Variants in ZHX3 observed in about 807,000 individuals in gnomAD.
ZHX3 encodes the protein zinc fingers and homeoboxes 3.
Under a neutral mutation model 64.5 loss-of-function variants are expected in ZHX3, and 20 were observed. That is an observed-to-expected ratio of 0.31 (90% CI 0.22 to 0.45). The LOEUF is 0.45. Ranked by LOEUF, ZHX3 falls within the 20% of genes least tolerant of loss-of-function variation. The pLI, the probability that ZHX3 is intolerant of heterozygous loss-of-function variation, is 1.00. For synonymous variants in ZHX3, 423 were observed against 461.6 expected, an observed-to-expected ratio of 0.92 and a Z score of 1.07; for missense variants, 1,041 against 1,195.8, an observed-to-expected ratio of 0.87 and a Z score of 1.91.
At position 41,292,925 on chromosome 20, in the gene ZHX3, A is replaced by G. The variant is rs2044321721; in HGVS notation, c.-244-23842T>C. On this transcript the variant is annotated intron_variant, in intron 1 of 3. Coordinates refer to ENST00000683867, the MANE Select transcript of ZHX3 (RefSeq NM_001384317.1). ...GTTGGGTAACAGCTTGTCTGGCTAG[A>G]ATAAAAGGTCCAATTGAACATACAC... 2.0e-5 allele frequency among the ~76,000 whole-genome samples: 3 copies of G among 152,350 alleles called. No individual in the cohort carries two copies. The South Asian group carries it at 6.2e-4, about 32-fold the overall frequency.
chr20:41,204,061 C>T lies in ZHX3; in HGVS notation c.856G>A (p.Val286Ile). The T allele has an allele frequency of 6.2e-7, 1 of 1,612,744 alleles. No individual in the cohort carries two copies. The highest frequency in any genetic ancestry group is 8.5e-7 in the Non-Finnish European group (1 of 1,179,228). ...QQPPVHAQHH[V>I]HQPLPTAKAL... ...TTGGCCGTGGGCAGTGGCTGGTGGA[C>T]ATGGTGTTGGGCATGCACTGGGGGC... The change falls in exon 3 of 4, where the codon GTC (valine) becomes ATC (isoleucine). Residue 286 changes from valine (V) to isoleucine (I), a missense_variant. By Grantham distance (29) the Val-to-Ile change is conservative. Coordinates refer to ENST00000683867, the MANE Select transcript of ZHX3 (RefSeq NM_001384317.1). The surrounding 1 kb of genome is among the most constrained non-coding windows in gnomAD (Gnocchi z 6.6).
At chr20:41,223,234 G>A (rs1279802776) in intron 2 of ZHX3, among the ~76,000 whole-genome samples, 1 of 152,172 alleles carries the variant, frequency 6.6e-6, no homozygotes, top group African/African-American at 2.4e-5. Context: ...AAATTGGTAA[G>A]ACTTCTATTA....
chr20:41,270,374 CAAAAAAAA>C (rs71193635), intron 1 of ZHX3, among the ~76,000 whole-genome samples: 1 of 83,582 alleles, frequency 1.2e-5, no homozygotes, highest in Non-Finnish European at 2.4e-5. Flanking sequence ...AAACTCCGTC[CAAAAAAAA>C]AAAAAAAAAA....
intron 2 of ZHX3, among the ~76,000 whole-genome samples, chr20:41,258,641 C>T (rs1178080353): frequency 6.6e-6 from 1 of 152,186 alleles, no homozygotes; most frequent in Non-Finnish European, 1.5e-5. Flanking sequence ...AAAAATACCA[C>T]AGAAATGATG....
intron 1 of ZHX3, among the ~76,000 whole-genome samples, chr20:41,311,826 A>C (rs2045145809): frequency 6.6e-6 from 1 of 152,268 alleles, no homozygotes; most frequent in Non-Finnish European, 1.5e-5. Flanking sequence ...GTGAACACAC[A>C]TAGCAATGGA....
At chr20:41,290,257 A>G (rs902504962) in intron 1 of ZHX3, 2 of 152,220 alleles carry the variant, frequency 1.3e-5, no homozygotes, top group African/African-American at 4.8e-5. Context: ...TGCCAGTACA[A>G]CAGAATAGAT....
At chr20:41,315,178 G>A (rs908446141) in intron 1 of ZHX3, among the ~76,000 whole-genome samples, 3 of 151,996 alleles carry the variant, frequency 2.0e-5, no homozygotes, top group African/African-American at 7.2e-5. Context: ...AGGCACTGAG[G>A]CTGGAGTATG....
chr20:41,257,083 C>T (rs2042297476), intron 2 of ZHX3, among the ~76,000 whole-genome samples: 4 of 152,058 alleles, frequency 2.6e-5, no homozygotes, highest in Non-Finnish European at 5.9e-5. Context: ...TGGCTGCTTC[C>T]TAATGACAAA....
At chr20:41,291,766 C>T (rs998879390) in intron 1 of ZHX3, among the ~76,000 whole-genome samples, 2 of 151,270 alleles carry the variant, frequency 1.3e-5, no homozygotes, top group Non-Finnish European at 2.9e-5. Flanking sequence ...AAGCATGAAT[C>T]TAAAAAAAAT....
At chr20:41,188,678 G>A (rs2036746016) in intron 3 of ZHX3, 1 of 151,994 alleles carries the variant, frequency 6.6e-6, no homozygotes, top group Admixed American at 6.6e-5. Flanking sequence ...TGGGATTATA[G>A]GTGTTAGCCT....
chr20:41,290,878 T>G (rs2044203172), intron 1 of ZHX3, among the ~76,000 whole-genome samples: 1 of 152,190 alleles, frequency 6.6e-6, no homozygotes, highest in Admixed American at 6.5e-5. Flanking sequence ...TCCCACTTTC[T>G]TCATCTGGGG....
intron 1 of ZHX3, chr20:41,300,274 A>C (rs1003621793): frequency 3.9e-5 from 6 of 152,344 alleles, no homozygotes; most frequent in African/African-American, 1.4e-4. Context: ...GCCCTTTTGA[A>C]GCAATTCAGA....
chr20:41,244,192 G>A (rs115883199), intron 2 of ZHX3, among the ~76,000 whole-genome samples: 120 of 152,218 alleles, frequency 7.9e-4, no homozygotes, highest in African/African-American at 2.7e-3. Context: ...AGGGGACACA[G>A]TTATCCCTAG....
intron 2 of ZHX3, among the ~76,000 whole-genome samples, chr20:41,245,078 G>A (rs988109686): frequency 2.0e-5 from 3 of 152,204 alleles, no homozygotes; most frequent in Non-Finnish European, 4.4e-5. Flanking sequence ...TGGGGGTTGA[G>A]GAAAGGGAAG....
intron 1 of ZHX3, among the ~76,000 whole-genome samples, chr20:41,303,515 C>T (rs1469129874): frequency 1.3e-5 from 2 of 152,168 alleles, no homozygotes; most frequent in Non-Finnish European, 2.9e-5. Context: ...TACCAATGCT[C>T]CACTTTACAC....
intron 2 of ZHX3, among the ~76,000 whole-genome samples, chr20:41,239,063 C>T (rs1436446866): frequency 7.7e-6 from 1 of 130,194 alleles, no homozygotes; most frequent in Non-Finnish European, 1.5e-5. Flanking sequence ...AGTGCAGTGG[C>T]ATGATCTCGG....
chr20:41,269,556 A>T, intron 1 of ZHX3: 1 of 141,956 alleles, frequency 7.0e-6, no homozygotes, highest in East Asian at 2.4e-4. Flanking sequence ...GTCTCTGACC[A>T]TTATTACCCC....
chr20:41,225,807 T>C (rs994431956), intron 2 of ZHX3, among the ~76,000 whole-genome samples: 9 of 152,174 alleles, frequency 5.9e-5, no homozygotes, highest in Admixed American at 4.6e-4. Flanking sequence ...CATTTTTAAG[T>C]GTACAGTAAG....
chr20:41,287,610 G>A (rs1489204851), intron 1 of ZHX3, among the ~76,000 whole-genome samples: 1 of 152,206 alleles, frequency 6.6e-6, no homozygotes, highest in Non-Finnish European at 1.5e-5. Context: ...CCGAGGGGAA[G>A]CCAATACACC....
Sources: allele counts gnomAD v4.1 joint callset (sites outside exome capture counted in the v4.1 genomes callset), GRCh38; gene constraint gnomAD v4.1.1; non-coding constraint Gnocchi (gnomAD v3.1); transcripts MANE v1.5; gene names NCBI Gene and HGNC (gene_info 2026-07-23, HGNC 2026-07-21).